Variants in AOPEP observed in about 807,000 individuals in gnomAD.
AOPEP encodes aminopeptidase O (putative), also known as aminopeptidase O.
Under a neutral mutation model 98.1 loss-of-function variants are expected in AOPEP, and 77 were observed. The ratio of observed to expected loss-of-function variants is 0.78; its 90% CI spans 0.65 to 0.95. AOPEP has a LOEUF of 0.95. Among genes scored for constraint, AOPEP ranks in the 40% least tolerant of loss-of-function variants. AOPEP has a pLI of 0.00. For missense variants in AOPEP, 1,024 were observed against 1,024.7 expected (o/e 1.00, Z 0.01); for synonymous variants, 346 against 365.3 (o/e 0.95, Z 0.60).
At position 94,818,590 on chromosome 9, in the gene AOPEP, C is replaced by G. The variant is rs557901678; in HGVS notation, c.1364+17588C>G. On this transcript the variant is annotated intron_variant, in intron 5 of 16. Coordinates refer to ENST00000375315, the MANE Select transcript of AOPEP (RefSeq NM_001193329.3). Reference sequence around the variant, plus strand: ...GTAGCTTGAACTTTTAATATACATACTCACTTTTCTTCCCCCCAAAAAGAA... The same window carrying G: ...GTAGCTTGAACTTTTAATATACATAGTCACTTTTCTTCCCCCCAAAAAGAA... Among the ~76,000 whole-genome samples, 106 of 152,326 alleles carry G rather than the reference C, an allele frequency of 7.0e-4. No homozygotes were observed. In the Middle Eastern group the frequency reaches 0.014, roughly 20 times the overall value.
At chr9:95,121,858 A>AC in the AOPEP span, among the ~76,000 whole-genome samples, 1 of 138,130 alleles carries the variant, frequency 7.2e-6, no homozygotes, top group Non-Finnish European at 1.6e-5. Context: ...CATAAAATTC[A>AC]TTTTTTTTTT....
intron 14 of AOPEP, among the ~76,000 whole-genome samples, chr9:95,069,843 T>C (rs568749182): frequency 2.0e-5 from 3 of 152,244 alleles, no homozygotes; most frequent in Non-Finnish European, 4.4e-5. Context: ...AGACAAGAGC[T>C]GTAGGAATTG....
intron 1 of AOPEP, among the ~76,000 whole-genome samples, chr9:94,751,387 CATGTAAAACTAA>C (rs1183317952): frequency 6.6e-6 from 1 of 152,166 alleles, no homozygotes; most frequent in Admixed American, 6.5e-5. Context: ...CAAGCAGACA[CATGTAAAACTAA>C]ATGTAAAACT....
At chr9:94,767,002 C>T (rs998157693) in intron 2 of AOPEP, among the ~76,000 whole-genome samples, 3 of 152,010 alleles carry the variant, frequency 2.0e-5, no homozygotes, top group Admixed American at 6.6e-5. Flanking sequence ...CCTCCCCCCT[C>T]CCCCCACTGA....
chr9:94,896,161 A>C (rs1160208756), intron 5 of AOPEP, among the ~76,000 whole-genome samples: 3 of 152,208 alleles, frequency 2.0e-5, no homozygotes, highest in Non-Finnish European at 4.4e-5. Context: ...GAAACAATAC[A>C]ACTCGATAAG....
chr9:94,749,332 A>G (rs1044042574), intron 1 of AOPEP, among the ~76,000 whole-genome samples: 1 of 152,096 alleles, frequency 6.6e-6, no homozygotes, highest in Non-Finnish European at 1.5e-5. Flanking sequence ...TTAGAGGTCC[A>G]TGTGATGCTT....
chr9:95,081,622 T>G (rs1453778756), intron 15 of AOPEP, among the ~76,000 whole-genome samples: 3 of 152,188 alleles, frequency 2.0e-5, no homozygotes, highest in African/African-American at 7.2e-5. Context: ...ATGTCACATT[T>G]GCACAGCAGA....
chr9:94,851,048 C>G (rs1319725630), intron 5 of AOPEP, among the ~76,000 whole-genome samples: 1 of 152,208 alleles, frequency 6.6e-6, no homozygotes, highest in African/African-American at 2.4e-5. Context: ...CCAAGTAAGG[C>G]ACAGCCAAGA....
At chr9:94,914,207 A>G (rs1224714203) in intron 5 of AOPEP, among the ~76,000 whole-genome samples, 1 of 152,208 alleles carries the variant, frequency 6.6e-6, no homozygotes, top group Non-Finnish European at 1.5e-5. Flanking sequence ...CTGTGATAAG[A>G]AGGAAAAAAA....
chr9:94,933,516 C>G (rs1168986987), intron 7 of AOPEP: 1 of 985,270 alleles, frequency 1.0e-6, no homozygotes, highest in Non-Finnish European at 1.2e-6. Context: ...TAGCTGCTGC[C>G]TCCACTTTGA....
intron 13 of AOPEP, among the ~76,000 whole-genome samples, chr9:95,006,640 G>A (rs936798225): frequency 1.6e-4 from 24 of 152,156 alleles, no homozygotes; most frequent in Admixed American, 4.6e-4. Flanking sequence ...CAGTGTGCAT[G>A]AAAAGGGGGA....
At chr9:94,947,517 C>T (rs1157446052) in intron 7 of AOPEP, among the ~76,000 whole-genome samples, 1 of 152,176 alleles carries the variant, frequency 6.6e-6, no homozygotes. Context: ...GCTGAGATTA[C>T]AGGCTTGGGC....
intron 13 of AOPEP, chr9:95,005,956 C>T (rs1489006371): frequency 6.1e-6 from 3 of 488,092 alleles, no homozygotes; most frequent in South Asian, 4.9e-5. Flanking sequence ...CCGAATAAAT[C>T]GCCCACAGTA....
intron 1 of AOPEP, among the ~76,000 whole-genome samples, chr9:94,744,269 G>C (rs1237594912): frequency 6.6e-6 from 1 of 152,128 alleles, no homozygotes; most frequent in Non-Finnish European, 1.5e-5. Context: ...GCAGGCGCCT[G>C]TAGTCCCAGC....
chr9:94,864,742 C>T (rs1338073238), intron 5 of AOPEP, among the ~76,000 whole-genome samples: 1 of 151,678 alleles, frequency 6.6e-6, no homozygotes, highest in Non-Finnish European at 1.5e-5. Flanking sequence ...TACTTTTTTC[C>T]CAAGGTAGGA....
intron 9 of AOPEP, 31 bp from the exon 10 acceptor site, chr9:94,967,727 A>G: frequency 6.3e-7 from 1 of 1,593,674 alleles, no homozygotes; most frequent in African/African-American, 1.3e-5. Context: ...ATTGATGGAC[A>G]TCTTTAATGA....
chr9:95,052,653 TG>T (rs2066480804), intron 13 of AOPEP, among the ~76,000 whole-genome samples: 1 of 152,210 alleles, frequency 6.6e-6, no homozygotes, highest in Non-Finnish European at 1.5e-5. Flanking sequence ...TTACTAAATT[TG>T]TAATGAATAA....
At chr9:95,130,819 C>A in the AOPEP span, among the ~76,000 whole-genome samples, 1 of 152,172 alleles carries the variant, frequency 6.6e-6, no homozygotes, top group African/African-American at 2.4e-5. Flanking sequence ...CCAGTGAACT[C>A]CTCTATTGAA....
chr9:95,075,901 A>G (rs1223187318), intron 14 of AOPEP, among the ~76,000 whole-genome samples: 1 of 152,230 alleles, frequency 6.6e-6, no homozygotes, highest in East Asian at 1.9e-4. Flanking sequence ...GAAAGCAGCC[A>G]TACTCAACTG....
Sources: gnomAD v4.1 joint callset for allele counts (sites outside exome capture counted in the v4.1 genomes callset) on GRCh38, gnomAD v4.1.1 for gene constraint, MANE v1.5 for transcripts, NCBI Gene and HGNC (gene_info 2026-07-23, HGNC 2026-07-21) for gene names.